The following LARS2 variants were observed in gnomAD, a reference collection of about 807,000 sequenced individuals.
The protein encoded by LARS2 is leucyl-tRNA synthetase 2, mitochondrial, also known as leucine--tRNA ligase, mitochondrial.
A neutral mutation model predicts 116.6 loss-of-function variants in LARS2; 81 were observed. The observed-to-expected ratio is 0.69, with a 90% confidence interval of 0.58 to 0.84. The LOEUF is 0.84. LARS2 is among the 40% of genes least tolerant of loss of function. LARS2 has a pLI of 0.00. For synonymous variants in LARS2, 396 were observed against 407.2 expected (o/e 0.97, Z 0.33); for missense variants, 968 against 1,114.5 (o/e 0.87, Z 1.87).
chr3:45,522,919 A>G (rs756088635), intron 19 of LARS2, among the ~76,000 whole-genome samples: 1 of 152,120 alleles, frequency 6.6e-6, no homozygotes, highest in Non-Finnish European at 1.5e-5. Flanking sequence ...TTTAAAATTA[A>G]AAAAAAGGAA....
intron 15 of LARS2, among the ~76,000 whole-genome samples, chr3:45,501,726 GT>G (rs1192265972): frequency 6.6e-6 from 1 of 152,160 alleles, no homozygotes; most frequent in Non-Finnish European, 1.5e-5. Context: ...GGATACGCAC[GT>G]GTTCAACTGT....
Position 45,438,432 on chromosome 3 carries a change from C to T in LARS2, c.517-8459C>T, listed in dbSNP as rs34797463. Among the ~76,000 whole-genome samples, 93 of 152,078 alleles carry T rather than the reference C, an allele frequency of 6.1e-4. No homozygotes were observed. In the South Asian group the frequency reaches 8.5e-3, roughly 14 times the overall value. ...TGGGTGAGTTTCCTCATGTATAAAG[C>T]AGTGCTCACCATCCCTGCCTCTCAG... is the stretch of plus-strand genomic sequence containing the variant. On this transcript the variant is annotated intron_variant, in intron 6 of 21. Transcript: ENST00000645846.
At chr3:45,396,305 G>A (rs753772837) in intron 3 of LARS2, among the ~76,000 whole-genome samples, 6 of 152,210 alleles carry the variant, frequency 3.9e-5, no homozygotes, top group Non-Finnish European at 7.3e-5. Context: ...CTGCAATGCT[G>A]GCTCTGCCCC....
chr3:45,547,515 C>T lies in LARS2; in HGVS notation c.2697C>T (p.Phe899=). 1 of 1,605,044 alleles carries T rather than the reference C, an allele frequency of 6.2e-7. No homozygotes were observed. Among genetic ancestry groups the T allele is most frequent in the Non-Finnish European group, 8.5e-7 (1 of 1,176,882 alleles). Residue 899 remains phenylalanine (F), a synonymous_variant, in exon 22 of 22, where the codon TTC becomes TTT. Transcript: ENST00000645846. ...CCCCGAGAACTGCCCTCATCAACTT[C>T]CTGGTGCAAGATTGACAGCCAGGAG... ...FLSPRTALIN[F]LVQD is the part of the protein sequence containing the mutation.
rs1176770010 is a variant in LARS2, at chr3:45,547,840, G to A, written c.*310G>A. 1 of 255,262 alleles carries A rather than the reference G, an allele frequency of 3.9e-6. No homozygotes were observed. The highest frequency in any genetic ancestry group is 9.1e-5 in the East Asian group (1 of 11,028). The allele number at this position is 255,262 out of a possible 1,614,324, so 15.8% of individuals were successfully genotyped here. On this transcript the variant is annotated 3_prime_UTR_variant, in exon 22 of 22. Transcript: ENST00000645846. ...CCCATGGGAAGCCATCAGAGACACTGCTGGTGGGAGCAGGAAGGAGCAGTG... is the reference window on the plus strand; with the variant it reads ...CCCATGGGAAGCCATCAGAGACACTACTGGTGGGAGCAGGAAGGAGCAGTG...
chr3:45,428,865 TTA>T (rs527781545), intron 6 of LARS2, among the ~76,000 whole-genome samples: 5 of 151,470 alleles, frequency 3.3e-5, no homozygotes, highest in Admixed American at 6.6e-5. Context: ...TTTATACATA[TTA>T]TATATATATA....
chr3:45,483,342 C>A (rs1225956717), intron 10 of LARS2, among the ~76,000 whole-genome samples: 4 of 152,222 alleles, frequency 2.6e-5, no homozygotes, highest in Non-Finnish European at 5.9e-5. Context: ...ATACACATTT[C>A]TTCTTTGAGA....
At chr3:45,478,620 G>T (rs1184813719) in intron 10 of LARS2, among the ~76,000 whole-genome samples, 1 of 152,196 alleles carries the variant, frequency 6.6e-6, no homozygotes, top group African/African-American at 2.4e-5. Flanking sequence ...AGTGCCAAGT[G>T]TAATGTTCCA....
chr3:45,547,111 G>A (rs1224582896), intron 21 of LARS2, among the ~76,000 whole-genome samples: 3 of 152,126 alleles, frequency 2.0e-5, no homozygotes, highest in Non-Finnish European at 2.9e-5. Context: ...CTCCACGTAC[G>A]GGCACTCACA....
At chr3:45,547,303 A>G (rs1383278454) in intron 21 of LARS2, 48 bp from the exon 22 acceptor site, 3 of 1,542,280 alleles carry the variant, frequency 1.9e-6, no homozygotes, top group Non-Finnish European at 1.8e-6. Context: ...GCCGCCTGCC[A>G]CTCTGAGGAT....
At chr3:45,443,792 C>T (rs1385542086) in intron 6 of LARS2, among the ~76,000 whole-genome samples, 1 of 152,106 alleles carries the variant, frequency 6.6e-6, no homozygotes, top group African/African-American at 2.4e-5. Context: ...GCTTTTTCTT[C>T]AAATGACATG....
At chr3:45,421,393 TC>T (rs1471048597) in intron 6 of LARS2, 1 of 152,216 alleles carries the variant, frequency 6.6e-6, no homozygotes. Context: ...AAATCTTAAT[TC>T]TGAGGCACAT....
intron 8 of LARS2, among the ~76,000 whole-genome samples, chr3:45,461,010 A>G (rs1324424300): frequency 6.6e-6 from 1 of 152,176 alleles, no homozygotes; most frequent in Non-Finnish European, 1.5e-5. Flanking sequence ...CTAGACTTGA[A>G]AAGAAGCAGG....
At chr3:45,473,293 T>A (rs960786295) in intron 8 of LARS2, among the ~76,000 whole-genome samples, 7 of 152,206 alleles carry the variant, frequency 4.6e-5, no homozygotes, top group African/African-American at 1.7e-4. Context: ...TATAGCCTAT[T>A]GAATTATTTT....
At chr3:45,483,453 A>G (rs1323779826) in intron 10 of LARS2, among the ~76,000 whole-genome samples, 1 of 152,212 alleles carries the variant, frequency 6.6e-6, no homozygotes, top group Non-Finnish European at 1.5e-5. Context: ...GTTCGAGACC[A>G]GCCTGGCCAA....
chr3:45,526,265 A>G (rs144191775), intron 20 of LARS2, among the ~76,000 whole-genome samples: 2 of 152,268 alleles, frequency 1.3e-5, no homozygotes, highest in African/African-American at 4.8e-5. Flanking sequence ...GTTCTAAGGA[A>G]CCTCTCAAAT....
At chr3:45,417,153 A>G (rs1393205727) in intron 4 of LARS2, among the ~76,000 whole-genome samples, 2 of 151,930 alleles carry the variant, frequency 1.3e-5, no homozygotes, top group Non-Finnish European at 2.9e-5. Context: ...GTGTGTGTAT[A>G]TATATATGTG....
At chr3:45,458,981 T>G in intron 8 of LARS2, 95 bp downstream of exon 8, 1 of 1,309,654 alleles carries the variant, frequency 7.6e-7, no homozygotes, top group Non-Finnish European at 1.1e-6. Flanking sequence ...CTGTTGGGGT[T>G]GAGCTCTAGG....
At chr3:45,430,526 C>T (rs779293287) in intron 6 of LARS2, among the ~76,000 whole-genome samples, 4 of 150,028 alleles carry the variant, frequency 2.7e-5, no homozygotes, top group East Asian at 2.0e-4. Context: ...GTGATCTGCC[C>T]GCCTCGGCCT....
Sources: gnomAD v4.1 joint callset for allele counts (sites outside exome capture counted in the v4.1 genomes callset) on GRCh38, gnomAD v4.1.1 for gene constraint, MANE v1.5 for transcripts, NCBI Gene and HGNC (gene_info 2026-07-23, HGNC 2026-07-21) for gene names.